The following DCC variants were observed in gnomAD, a reference collection of about 807,000 sequenced individuals.
The protein encoded by DCC is DCC netrin 1 receptor.
A neutral mutation model predicts 172.5 loss-of-function variants in DCC; 58 were observed. That is an observed-to-expected ratio of 0.34 (90% CI 0.27 to 0.42). The LOEUF (loss-of-function observed/expected upper bound fraction) is 0.42. Ranked by LOEUF, DCC falls within the 10% of genes least tolerant of loss-of-function variation. DCC has a pLI of 1.00. For missense variants in DCC, 1,740 were observed against 1,791.0 expected, an observed-to-expected ratio of 0.97 and a Z score of 0.51; for synonymous variants, 709 against 644.5, an observed-to-expected ratio of 1.10 and a Z score of -1.52.
intron 8 of DCC, among the ~76,000 whole-genome samples, chr18:53,163,028 C>G (rs565817857): frequency 6.6e-6 from 1 of 152,356 alleles, no homozygotes; most frequent in East Asian, 1.9e-4. Flanking sequence ...CAGAATTCAT[C>G]AATTTCACCT....
chr18:52,703,723 C>G (rs1010493759), intron 1 of DCC, among the ~76,000 whole-genome samples: 2 of 145,080 alleles, frequency 1.4e-5, no homozygotes, highest in Admixed American at 1.4e-4. Context: ...AAAATAATTG[C>G]AAAGAATTTT....
chr18:53,233,822 G>A (rs984893873), intron 12 of DCC, among the ~76,000 whole-genome samples: 1 of 152,122 alleles, frequency 6.6e-6, no homozygotes, highest in Non-Finnish European at 1.5e-5. Flanking sequence ...ATCTCAAAAT[G>A]TATTGGCCAG....
chr18:53,134,869 G>A (rs1444504341), intron 7 of DCC, among the ~76,000 whole-genome samples: 2 of 152,124 alleles, frequency 1.3e-5, no homozygotes, highest in African/African-American at 4.8e-5. Flanking sequence ...GCAAATGACA[G>A]GAGACAAACT....
At chr18:53,185,005 A>G (rs931003425) in intron 9 of DCC, among the ~76,000 whole-genome samples, 13 of 152,196 alleles carry the variant, frequency 8.5e-5, no homozygotes, top group African/African-American at 2.9e-4. Flanking sequence ...CTCGACAACA[A>G]TTCAGTTGTC....
intron 2 of DCC, among the ~76,000 whole-genome samples, chr18:52,827,107 T>C (rs1453570074): frequency 6.6e-6 from 1 of 152,180 alleles, no homozygotes; most frequent in Non-Finnish European, 1.5e-5. Flanking sequence ...GATGACTTTA[T>C]ACGTGAATGA....
intron 1 of DCC, among the ~76,000 whole-genome samples, chr18:52,435,287 G>C (rs950680555): frequency 6.7e-6 from 1 of 148,598 alleles, no homozygotes. Flanking sequence ...CCTCTTGCCT[G>C]TGTGTGTGTG....
At chr18:52,778,124 AAAT>A (rs2037466557) in intron 2 of DCC, among the ~76,000 whole-genome samples, 1 of 152,250 alleles carries the variant, frequency 6.6e-6, no homozygotes, top group South Asian at 2.1e-4. Flanking sequence ...AGAAGTCAGT[AAAT>A]AATGTCTAAA....
chr18:53,458,459 A>G (rs906396894), intron 23 of DCC, among the ~76,000 whole-genome samples: 6 of 152,222 alleles, frequency 3.9e-5, no homozygotes, highest in Non-Finnish European at 8.8e-5. Flanking sequence ...CCTGCTGTAG[A>G]GAATGACTAA....
At chr18:52,946,465 G>T (rs1444665148) in intron 5 of DCC, among the ~76,000 whole-genome samples, 1 of 151,530 alleles carries the variant, frequency 6.6e-6, no homozygotes, top group Non-Finnish European at 1.5e-5. Flanking sequence ...AACTTAAAAT[G>T]ACATTTTTTT....
At chr18:52,498,112 CA>C (rs1312893818) in intron 1 of DCC, among the ~76,000 whole-genome samples, 6 of 151,762 alleles carry the variant, frequency 4.0e-5, no homozygotes, top group Non-Finnish European at 8.8e-5. Flanking sequence ...TTACCTGTCA[CA>C]AAATGTTCTT....
rs781717646 is a variant in DCC at position 53,391,825 on chromosome 18, T to G, written c.2626T>G (p.Ser876Ala). ...CTCTGTCCCTAAGAACCAAAAGACG[T>G]CTGAGGTGCGACTTTACACCGTCCG... ...DNSVPKNQKT[S>A]EVRLYTVRWR... Residue 876 changes from serine (S) to alanine (A), a missense_variant, in exon 17 of 29, where the codon TCT (serine) becomes GCT (alanine). Transcript: ENST00000442544. 5 of 1,613,942 alleles carry G rather than the reference T, an allele frequency of 3.1e-6. No individual in the cohort carries two copies. The African/African-American group carries it at 4.0e-5, about 13-fold the overall frequency.
intron 2 of DCC, among the ~76,000 whole-genome samples, chr18:52,823,314 C>T (rs1318267763): frequency 2.6e-5 from 4 of 152,080 alleles, no homozygotes; most frequent in African/African-American, 4.8e-5. Context: ...AGAAAACATC[C>T]GTACTCTACT....
At chr18:52,948,308 G>T (rs2040581128) in intron 5 of DCC, among the ~76,000 whole-genome samples, 1 of 119,250 alleles carries the variant, frequency 8.4e-6, no homozygotes. Flanking sequence ...CTATCACAGT[G>T]TTGATGTGTG....
intron 24 of DCC, among the ~76,000 whole-genome samples, chr18:53,465,038 A>G (rs956600874): frequency 1.5e-4 from 23 of 151,142 alleles, no homozygotes; most frequent in Non-Finnish European, 2.4e-4. Flanking sequence ...GGTTGGATCT[A>G]GAGTTACTTT....
Position 52,884,124 on chromosome 18 carries a change from A to G in DCC, c.413-21920A>G, listed in dbSNP as rs376361286. Among the ~76,000 whole-genome samples, 14 of 151,832 alleles carry G rather than the reference A, an allele frequency of 9.2e-5. No individual in the cohort carries two copies. The East Asian group carries it at 1.7e-3, about 19-fold the overall frequency. On this transcript the variant is annotated intron_variant, in intron 2 of 28. Coordinates refer to ENST00000442544, the MANE Select transcript of DCC (RefSeq NM_005215.4). The stretch of plus-strand genomic sequence containing the variant: ...TTGTTTCTTTTCTCTTACTGCTTTT[A>G]TGATCCTTTCTTTATCCTTGATCTT...
In DCC at chr18:52,515,423, CG is replaced by C. The variant is rs1265669961; in HGVS notation, c.91+174547del. Among the ~76,000 whole-genome samples, 11 of 151,108 alleles carry C rather than the reference CG, an allele frequency of 7.3e-5. No homozygotes were observed. In the South Asian group the frequency reaches 1.3e-3, roughly 17 times the overall value. On this transcript the variant is annotated intron_variant, in intron 1 of 28. Transcript: ENST00000442544. The stretch of plus-strand genomic sequence containing the variant: ...GAGATCGAGACCATCCTGGCTAACA[CG>C]GTAAAACCCTGTCTCTACTAAAAAT...
intron 5 of DCC, among the ~76,000 whole-genome samples, chr18:53,021,583 T>G (rs1216224848): frequency 6.6e-6 from 1 of 152,100 alleles, no homozygotes; most frequent in Admixed American, 6.6e-5. Flanking sequence ...TGTGTATGTG[T>G]GCCTAGAAGG....
At chr18:53,499,029 G>A (rs573232770) in intron 26 of DCC, among the ~76,000 whole-genome samples, 32 of 152,246 alleles carry the variant, frequency 2.1e-4, no homozygotes, top group African/African-American at 7.5e-4. Context: ...GACAGTTCAA[G>A]CAATATAGTC....
intron 25 of DCC, among the ~76,000 whole-genome samples, chr18:53,478,413 C>T (rs977447003): frequency 6.6e-6 from 1 of 151,872 alleles, no homozygotes; most frequent in Non-Finnish European, 1.5e-5. Context: ...TGTAAGATGC[C>T]GAAAAGGAAG....
Sources: gnomAD v4.1 joint callset for allele counts (sites outside exome capture counted in the v4.1 genomes callset) on GRCh38, gnomAD v4.1.1 for gene constraint, MANE v1.5 for transcripts, NCBI Gene and HGNC (gene_info 2026-07-23, HGNC 2026-07-21) for gene names.